KLHL29: variants seen among roughly 807,000 people sequenced by gnomAD.
KLHL29 encodes the protein kelch-like protein 29.
KLHL29 carries 21 observed loss-of-function variants against 80.4 expected under a neutral mutation model. That is an observed-to-expected ratio of 0.26 (90% CI 0.19 to 0.38). The LOEUF (loss-of-function observed/expected upper bound fraction) is 0.38, where lower values mean the gene tolerates loss of function less well. KLHL29 is among the 10% of genes least tolerant of loss of function. The pLI is 1.00. For synonymous variants in KLHL29, 511 were observed against 526.8 expected, an observed-to-expected ratio of 0.97 and a Z score of 0.41; for missense variants, 867 against 1,223.9, an observed-to-expected ratio of 0.71 and a Z score of 4.35.
At chr2:23,544,131 G>T (rs1307474218) in intron 2 of KLHL29, among the ~76,000 whole-genome samples, 2 of 152,204 alleles carry the variant, frequency 1.3e-5, no homozygotes, top group East Asian at 1.9e-4. Context: ...GGTGGGTGGG[G>T]CAGGGAAGGA....
At chr2:23,476,864 G>A (rs1028618711) in intron 2 of KLHL29, among the ~76,000 whole-genome samples, 13 of 152,350 alleles carry the variant, frequency 8.5e-5, no homozygotes, top group South Asian at 8.3e-4. Flanking sequence ...AACAGAATCC[G>A]TGATCTGGGA....
chr2:23,510,854 T>A (rs952309065), intron 2 of KLHL29, among the ~76,000 whole-genome samples: 2 of 152,166 alleles, frequency 1.3e-5, no homozygotes, highest in Non-Finnish European at 2.9e-5. Context: ...GGCAGGCTTC[T>A]GGGGGACAGC....
intron 2 of KLHL29, among the ~76,000 whole-genome samples, chr2:23,557,151 T>G (rs952409393): frequency 2.6e-5 from 4 of 152,218 alleles, no homozygotes; most frequent in African/African-American, 9.7e-5. Context: ...CTAACGTACC[T>G]CATCCATTCC....
At chr2:23,426,049 C>A (rs1001315961) in intron 1 of KLHL29, among the ~76,000 whole-genome samples, 2 of 152,196 alleles carry the variant, frequency 1.3e-5, no homozygotes, top group African/African-American at 4.8e-5. Flanking sequence ...TGACTGCACC[C>A]TTCCCATGCC....
chr2:23,495,611 CATCACAG>C (rs1455944956), intron 2 of KLHL29, among the ~76,000 whole-genome samples: 4 of 152,180 alleles, frequency 2.6e-5, no homozygotes, highest in African/African-American at 9.7e-5. Flanking sequence ...CTCTCCAGGA[CATCACAG>C]AGGAGCTTTG....
chr2:23,493,672 CAT>C (rs1665173140), intron 2 of KLHL29, among the ~76,000 whole-genome samples: 2 of 151,580 alleles, frequency 1.3e-5, no homozygotes. Flanking sequence ...CATGTGTGTG[CAT>C]GTGTATGTGT....
intron 1 of KLHL29, among the ~76,000 whole-genome samples, chr2:23,461,296 G>A (rs561766774): frequency 4.6e-5 from 7 of 152,322 alleles, no homozygotes; most frequent in African/African-American, 1.2e-4. Context: ...CAGACTGGGC[G>A]TATAAACAAA....
In KLHL29 at chr2:23,455,001, T is replaced by TGGG. The variant is rs10679555; in HGVS notation, c.-153-20551_-153-20549dup. On this transcript the variant is annotated intron_variant, in intron 1 of 13. Coordinates refer to ENST00000486442, the MANE Select transcript of KLHL29 (RefSeq NM_052920.2). ...ACTCGTAGAAACAGGAACAGTGGGTTGGGGGGGGGGCATTTATTTCTCTCG... is the reference window on the plus strand; with the variant it reads ...ACTCGTAGAAACAGGAACAGTGGGTTGGGGGGGGGGGGGCATTTATTTCTCTCG... 1.2e-4 allele frequency among the ~76,000 whole-genome samples: 15 copies of TGGG among 126,998 alleles called. 1 individual carries two copies. Among genetic ancestry groups the TGGG allele is most frequent in the African/African-American group, 2.6e-4 (8 of 30,280 alleles). 83.3% of individuals were successfully genotyped at this position (126,998 alleles called of 152,430 possible). A position where few individuals can be genotyped will look rare whatever the true frequency, so the allele number is the denominator to read the frequency against.
At chr2:23,671,466 T>G (rs2149176874) in intron 5 of KLHL29, among the ~76,000 whole-genome samples, 1 of 152,292 alleles carries the variant, frequency 6.6e-6, no homozygotes, top group East Asian at 1.9e-4. Flanking sequence ...CGAGGTTTCA[T>G]GAGCACATAG....
chr2:23,415,562 A>G (rs895199421), intron 1 of KLHL29, among the ~76,000 whole-genome samples: 3 of 152,224 alleles, frequency 2.0e-5, no homozygotes, highest in Non-Finnish European at 2.9e-5. Flanking sequence ...TTAGTGCCAG[A>G]CAGGCTGGGC....
At chr2:23,440,624 AT>A (rs1339368283) in intron 1 of KLHL29, among the ~76,000 whole-genome samples, 7 of 151,516 alleles carry the variant, frequency 4.6e-5, no homozygotes, top group Admixed American at 4.6e-4. Context: ...ACTCAAACAA[AT>A]TTACAAGAAA....
intron 2 of KLHL29, among the ~76,000 whole-genome samples, chr2:23,504,660 G>A (rs995000612): frequency 8.5e-5 from 13 of 152,230 alleles, no homozygotes; most frequent in African/African-American, 2.9e-4. Context: ...CACTAACTGG[G>A]CCAGAAAAAG....
chr2:23,513,286 C>G (rs1665828173), intron 2 of KLHL29, among the ~76,000 whole-genome samples: 1 of 152,188 alleles, frequency 6.6e-6, no homozygotes, highest in South Asian at 2.1e-4. Context: ...AGAAATCTGC[C>G]AGAGACAATG....
chr2:23,671,633 C>T (rs1670766410), intron 5 of KLHL29, among the ~76,000 whole-genome samples: 1 of 152,188 alleles, frequency 6.6e-6, no homozygotes, highest in Non-Finnish European at 1.5e-5. Context: ...TGAGGCTGCT[C>T]ACTCGGCCTT....
At position 23,681,437 on chromosome 2, in the gene KLHL29, A is replaced by G. The variant is rs1490415472; in HGVS notation, c.941-2962A>G. ...CACGGCCGGGGCTGGGGCTTTAGAT[A>G]GAATCATTGCCGGGACCTCGATTTG... On this transcript the variant is annotated intron_variant, in intron 5 of 13. Transcript: ENST00000486442. This position sits in a 1 kb window ranked among gnomAD's most constrained non-coding sequence, Gnocchi z 4.2. 6.6e-6 allele frequency among the ~76,000 whole-genome samples: 1 copy of G among 152,186 alleles called. No homozygotes were observed. Among genetic ancestry groups the G allele is most frequent in the African/African-American group, 2.4e-5 (1 of 41,446 alleles).
intron 3 of KLHL29, among the ~76,000 whole-genome samples, chr2:23,615,109 G>A (rs1329351031): frequency 6.6e-6 from 1 of 152,182 alleles, no homozygotes; most frequent in African/African-American, 2.4e-5. Context: ...GCCCTTTCAG[G>A]AAAGACACTG....
intron 2 of KLHL29, among the ~76,000 whole-genome samples, chr2:23,510,465 G>T (rs2103461715): frequency 6.6e-6 from 1 of 152,326 alleles, no homozygotes; most frequent in African/African-American, 2.4e-5. Flanking sequence ...ATGGTGAGCT[G>T]TCCCTGTGAG....
chr2:23,576,080 G>A (rs1341519266), intron 3 of KLHL29, among the ~76,000 whole-genome samples: 2 of 152,176 alleles, frequency 1.3e-5, no homozygotes, highest in Non-Finnish European at 1.5e-5. Context: ...CGAGGCGGGT[G>A]GATCACCTGA....
intron 2 of KLHL29, among the ~76,000 whole-genome samples, chr2:23,498,606 C>T: frequency 6.6e-6 from 1 of 152,228 alleles, no homozygotes; most frequent in Non-Finnish European, 1.5e-5. Flanking sequence ...TTCTCAGCGC[C>T]TTCGTTAGGA....
Sources: allele counts gnomAD v4.1 joint callset (sites outside exome capture counted in the v4.1 genomes callset), GRCh38; gene constraint gnomAD v4.1.1; non-coding constraint Gnocchi (gnomAD v3.1); transcripts MANE v1.5; gene names NCBI Gene and HGNC (gene_info 2026-07-23, HGNC 2026-07-21).